The following CNTNAP5 variants were observed in gnomAD, a reference collection of about 807,000 sequenced individuals.
CNTNAP5 encodes the protein contactin associated protein family member 5, also known as contactin-associated protein-like 5.
A neutral mutation model predicts 150.2 loss-of-function variants in CNTNAP5; 72 were observed. The ratio of observed to expected loss-of-function variants is 0.48; its 90% CI spans 0.40 to 0.58. CNTNAP5 has a LOEUF of 0.58. Among genes scored for constraint, CNTNAP5 ranks in the 20% least tolerant of loss-of-function variants. The pLI is 0.00. For synonymous variants in CNTNAP5, 672 were observed against 619.8 expected, an observed-to-expected ratio of 1.08 and a Z score of -1.25; for missense variants, 1,636 against 1,626.2, an observed-to-expected ratio of 1.01 and a Z score of -0.10.
intron 13 of CNTNAP5, among the ~76,000 whole-genome samples, chr2:124,718,943 TAA>T (rs35290858): frequency 2.2e-4 from 30 of 138,458 alleles, no homozygotes; most frequent in Non-Finnish European, 2.2e-4. Flanking sequence ...AGACTCCATC[TAA>T]AAAAAAAAAA....
intron 3 of CNTNAP5, among the ~76,000 whole-genome samples, chr2:124,337,574 T>C (rs1057329676): frequency 6.6e-5 from 10 of 152,172 alleles, no homozygotes; most frequent in African/African-American, 2.4e-4. Flanking sequence ...AGGGATCCAG[T>C]TTCAGCTTTG....
intron 3 of CNTNAP5, among the ~76,000 whole-genome samples, chr2:124,261,131 T>C (rs1687442671): frequency 6.6e-6 from 1 of 152,158 alleles, no homozygotes; most frequent in African/African-American, 2.4e-5. Flanking sequence ...AAGCGATACA[T>C]ATCAATATCA....
At chr2:124,899,409 T>C (rs752990291) in intron 21 of CNTNAP5, among the ~76,000 whole-genome samples, 5 of 151,460 alleles carry the variant, frequency 3.3e-5, no homozygotes, top group Non-Finnish European at 7.4e-5. Flanking sequence ...ACATCACCCT[T>C]GGAGGACATG....
chr2:124,608,392 C>A (rs1677301173), intron 11 of CNTNAP5, among the ~76,000 whole-genome samples: 1 of 152,088 alleles, frequency 6.6e-6, no homozygotes, highest in Non-Finnish European at 1.5e-5. Context: ...CCCAAACTTG[C>A]AGATTTATCA....
rs1681003697 is a variant in CNTNAP5, at chr2:124,763,604, G to A, written c.2235-68G>A. 6.0e-6 allele frequency: 9 copies of A among 1,491,522 alleles called. No individual in the cohort carries two copies. The South Asian group carries it at 1.1e-4, about 18-fold the overall frequency. The allele number at this position is 1,491,522 out of a possible 1,614,324, so 92.4% of individuals were successfully genotyped here. ...GGCCAAATCACTTCTGAAAAGAGGG[G>A]TCATGGAAAAGAGTCCCTAGATTAT... On this transcript the variant is annotated intron_variant, in intron 14 of 23. Coordinates refer to ENST00000682447, the MANE Select transcript of CNTNAP5 (RefSeq NM_001367498.1).
chr2:124,146,356 T>C (rs1480960845), intron 1 of CNTNAP5, among the ~76,000 whole-genome samples: 1 of 152,174 alleles, frequency 6.6e-6, no homozygotes, highest in East Asian at 1.9e-4. Flanking sequence ...CACAGGAATA[T>C]GAGAAAATTT....
At chr2:124,568,705 C>T (rs973357141) in intron 11 of CNTNAP5, among the ~76,000 whole-genome samples, 9 of 151,962 alleles carry the variant, frequency 5.9e-5, no homozygotes, top group Admixed American at 5.2e-4. Context: ...GTTTTGTTTC[C>T]AAATATTTAT....
At chr2:124,099,755 G>T (rs1342374995) in intron 1 of CNTNAP5, among the ~76,000 whole-genome samples, 3 of 152,152 alleles carry the variant, frequency 2.0e-5, no homozygotes, top group African/African-American at 7.2e-5. Context: ...AGAGGGGCAG[G>T]CACCTTACGT....
chr2:124,600,304 G>C (rs1307261271), intron 11 of CNTNAP5, among the ~76,000 whole-genome samples: 6 of 152,098 alleles, frequency 3.9e-5, no homozygotes. Context: ...GCTCATAGGA[G>C]ACTGAAAATT....
Position 124,402,255 on chromosome 2 carries a change from G to C in CNTNAP5, c.382-15188G>C, listed in dbSNP as rs1347257349. Among the ~76,000 whole-genome samples the C allele has an allele frequency of 7.2e-5, 11 of 152,238 alleles. No homozygotes were observed. In the East Asian group the frequency reaches 2.1e-3, roughly 29 times the overall value. ...GTCAAGTTGACCACTGGTGGCACGG[G>C]AGCACATGTGTCACAGAAGATGTGC... On this transcript the variant is annotated intron_variant, in intron 3 of 23. Transcript: ENST00000682447.
chr2:124,416,936 C>CTTTTT (rs70996064), intron 3 of CNTNAP5, among the ~76,000 whole-genome samples: 7 of 106,598 alleles, frequency 6.6e-5, no homozygotes, highest in Non-Finnish European at 9.6e-5. Flanking sequence ...AGAGGGATTT[C>CTTTTT]TTTTTTTTTT....
chr2:124,765,277 T>G (rs911366446), intron 16 of CNTNAP5, among the ~76,000 whole-genome samples: 1 of 152,190 alleles, frequency 6.6e-6, no homozygotes, highest in African/African-American at 2.4e-5. Context: ...GATAAATTTC[T>G]ATTTTATTAG....
intron 19 of CNTNAP5, among the ~76,000 whole-genome samples, chr2:124,848,325 T>G (rs913373328): frequency 2.6e-5 from 4 of 152,200 alleles, no homozygotes; most frequent in African/African-American, 9.6e-5. Context: ...TCTTCCAATA[T>G]CATCCATGTT....
intron 3 of CNTNAP5, among the ~76,000 whole-genome samples, chr2:124,361,712 A>C (rs973681419): frequency 6.7e-6 from 1 of 150,300 alleles, no homozygotes; most frequent in Non-Finnish European, 1.5e-5. Flanking sequence ...CTCTCTTCAA[A>C]GCTGTCAGAC....
chr2:124,081,734 A>G (rs1682561865), intron 1 of CNTNAP5, among the ~76,000 whole-genome samples: 1 of 152,194 alleles, frequency 6.6e-6, no homozygotes. Context: ...AGCATAAGGC[A>G]AAGGATCCAC....
At chr2:124,754,940 A>G (rs764128915) in intron 14 of CNTNAP5, among the ~76,000 whole-genome samples, 26 of 152,176 alleles carry the variant, frequency 1.7e-4, no homozygotes, top group Non-Finnish European at 2.8e-4. Context: ...ATAAAGAAAA[A>G]ATATGAAAAT....
chr2:124,660,943 CAAAAAAAA>C (rs34511096), intron 13 of CNTNAP5, among the ~76,000 whole-genome samples: 4 of 104,168 alleles, frequency 3.8e-5, no homozygotes, highest in Non-Finnish European at 5.7e-5. Context: ...GACTGGGTCT[CAAAAAAAA>C]AAAAAAAAAA....
chr2:124,328,165 A>G (rs1200702611), intron 3 of CNTNAP5, among the ~76,000 whole-genome samples: 1 of 151,968 alleles, frequency 6.6e-6, no homozygotes, highest in Non-Finnish European at 1.5e-5. Context: ...AGGACAATGT[A>G]TTGTTCCCAT....
At chr2:124,319,183 T>G (rs1023493057) in intron 3 of CNTNAP5, among the ~76,000 whole-genome samples, 1 of 152,210 alleles carries the variant, frequency 6.6e-6, no homozygotes, top group African/African-American at 2.4e-5. Context: ...GCCCAGTTAT[T>G]TCATTCCTTC....
Sources: gnomAD v4.1 joint callset for allele counts (sites outside exome capture counted in the v4.1 genomes callset) on GRCh38, gnomAD v4.1.1 for gene constraint, MANE v1.5 for transcripts, NCBI Gene and HGNC (gene_info 2026-07-23, HGNC 2026-07-21) for gene names.